Variants in MYLK observed in about 807,000 individuals in gnomAD.
The protein encoded by MYLK is myosin light chain kinase.
A neutral mutation model predicts 203.4 loss-of-function variants in MYLK; 106 were observed. The observed-to-expected ratio is 0.52, with a 90% CI of 0.45 to 0.61. The LOEUF (loss-of-function observed/expected upper bound fraction) is 0.61, where lower values mean the gene tolerates loss of function less well. Ranked by LOEUF, MYLK falls within the 20% of genes least tolerant of loss-of-function variation. MYLK has a pLI of 0.00. For synonymous variants in MYLK, 867 were observed against 959.5 expected, an observed-to-expected ratio of 0.90 and a Z score of 1.78; for missense variants, 2,072 against 2,442.3, an observed-to-expected ratio of 0.85 and a Z score of 3.20.
At chr3:123,744,100 C>T (rs544809604) in intron 5 of MYLK, among the ~76,000 whole-genome samples, 1 of 152,214 alleles carries the variant, frequency 6.6e-6, no homozygotes, top group Admixed American at 6.5e-5. Context: ...TATCCCCATG[C>T]GACCCTGATC....
rs2062269099 is a variant in MYLK, at chr3:123,726,023, A to T, written c.1572T>A (p.Ala524=). The T allele has an allele frequency of 1.9e-6, 3 of 1,614,060 alleles. No homozygotes were observed. Among genetic ancestry groups the T allele is most frequent in the Non-Finnish European group, 2.5e-6 (3 of 1,180,022 alleles). Residue 524 remains alanine, a synonymous_variant, in exon 12 of 34, where the codon GCT becomes GCA. Coordinates refer to ENST00000360304, the MANE Select transcript of MYLK (RefSeq NM_053025.4). ...GCACAAAATCCTGGCCCTCAATAAC[A>T]GCGCAGTCCTTCAGGACACTGGAGA... is the stretch of plus-strand genomic sequence containing the variant. ...PSFSSVLKDC[A]VIEGQDFVLQ...
In MYLK at chr3:123,740,003, T is replaced by G; in HGVS notation, c.374-2A>C. On this transcript the variant is annotated splice_acceptor_variant, in intron 5 of 33. Transcript: ENST00000360304. LOFTEE classifies it high-confidence loss of function. ...GACCAAGCTGCTTCGCAAAACTTCCTGCAAGAAAAAGAGTTGATGAGTCAG... is the reference window on the plus strand; with the variant it reads ...GACCAAGCTGCTTCGCAAAACTTCCGGCAAGAAAAAGAGTTGATGAGTCAG... 1 of 1,613,862 alleles carries G rather than the reference T, an allele frequency of 6.2e-7. No homozygotes were observed. The highest frequency in any genetic ancestry group is 8.5e-7 in the Non-Finnish European group (1 of 1,179,772).
rs754223181 is a variant in MYLK at position 123,682,242 on chromosome 3, G to A, written c.3634C>T (p.Pro1212Ser). The A allele has an allele frequency of 7.5e-6, 12 of 1,602,298 alleles. No homozygotes were observed. The highest frequency in any genetic ancestry group is 9.4e-6 in the Non-Finnish European group (11 of 1,174,746). ...KSRRPKSSLP[P>S]VLGTESDATV... Reference sequence around the variant, plus strand: ...TACTCACTCTCAGTTCCTAGCACGGGAGGAAGAGAGCTCTTGGGCCTCCGG... The same window carrying A: ...TACTCACTCTCAGTTCCTAGCACGGAAGGAAGAGAGCTCTTGGGCCTCCGG... Residue 1212 changes from proline to serine, a missense_variant, in exon 20 of 34, where the codon CCC becomes TCC. By Grantham distance (74) the Pro-to-Ser change is moderately conservative (BLOSUM62 -1). Transcript: ENST00000360304.
intron 20 of MYLK, chr3:123,681,178 C>A (rs2060250627): frequency 6.6e-6 from 1 of 152,046 alleles, no homozygotes; most frequent in African/African-American, 2.4e-5. Context: ...TAAGATATTA[C>A]AGCATTTGGC....
intron 20 of MYLK, among the ~76,000 whole-genome samples, chr3:123,670,054 A>AAAG (rs1560046908): frequency 2.0e-5 from 3 of 151,150 alleles, no homozygotes; most frequent in Admixed American, 1.4e-4. Context: ...AAAAAAAAAA[A>AAAG]AAGCAAACAT....
intron 3 of MYLK, among the ~76,000 whole-genome samples, chr3:123,820,132 T>TG (rs1043188055): frequency 6.6e-6 from 1 of 151,872 alleles, no homozygotes; most frequent in Admixed American, 6.6e-5. Context: ...CTGTAAAAGG[T>TG]GGGGATGCAT....
chr3:123,638,452 G>T (rs935821307), intron 28 of MYLK, among the ~76,000 whole-genome samples: 2 of 152,140 alleles, frequency 1.3e-5, no homozygotes, highest in African/African-American at 4.8e-5. Context: ...TAAATCACCC[G>T]CCCCTGAATG....
intron 14 of MYLK, 151 bp downstream of exon 14, chr3:123,709,605 C>T (rs2061610871): frequency 1.0e-6 from 1 of 979,238 alleles, no homozygotes; most frequent in Non-Finnish European, 1.6e-6. Context: ...AAAGAGAGGA[C>T]AAGAGTCTCC....
chr3:123,859,612 T>C (rs1485424762), intron 2 of MYLK, among the ~76,000 whole-genome samples: 1 of 152,226 alleles, frequency 6.6e-6, no homozygotes, highest in African/African-American at 2.4e-5. Context: ...ACACAAGATA[T>C]TAAAAGAACT....
At chr3:123,672,206 A>AGG (rs986915138) in intron 20 of MYLK, among the ~76,000 whole-genome samples, 2 of 31,150 alleles carry the variant, frequency 6.4e-5, no homozygotes, top group East Asian at 1.6e-3. Context: ...GGGCAGGGGG[A>AGG]GGAGAGAGAG....
chr3:123,694,419 A>T (rs2060820995), intron 18 of MYLK, among the ~76,000 whole-genome samples: 1 of 152,182 alleles, frequency 6.6e-6, no homozygotes, highest in South Asian at 2.1e-4. Context: ...GAATGAGGAT[A>T]ACCATGTCCT....
At chr3:123,740,050 C>T in intron 5 of MYLK, 49 bp from the exon 6 acceptor site, 4 of 1,598,352 alleles carry the variant, frequency 2.5e-6, no homozygotes, top group Non-Finnish European at 3.4e-6. Flanking sequence ...CAACTTGGAG[C>T]AATGAAAGTA....
chr3:123,678,619 C>CT (rs2060153908), intron 20 of MYLK, among the ~76,000 whole-genome samples: 1 of 151,944 alleles, frequency 6.6e-6, no homozygotes, highest in South Asian at 2.1e-4. Flanking sequence ...AGACTAGGTA[C>CT]TTCTCAGCCC....
At chr3:123,846,785 C>CT (rs912666840) in intron 2 of MYLK, among the ~76,000 whole-genome samples, 404 of 149,162 alleles carry the variant, frequency 2.7e-3, no homozygotes, top group South Asian at 5.8e-3. Flanking sequence ...TTAAGGATCT[C>CT]TTTTTTTTTT....
At chr3:123,868,438 C>T (rs2148704861) in intron 2 of MYLK, among the ~76,000 whole-genome samples, 1 of 152,116 alleles carries the variant, frequency 6.6e-6, no homozygotes, top group East Asian at 1.9e-4. Flanking sequence ...GTAATAATAC[C>T]CAACATTTTC....
At chr3:123,862,888 C>G (rs2032038247) in intron 2 of MYLK, among the ~76,000 whole-genome samples, 3 of 152,158 alleles carry the variant, frequency 2.0e-5, no homozygotes, top group Non-Finnish European at 4.4e-5. Flanking sequence ...CTCCCCAGCT[C>G]AATCCCAAAC....
chr3:123,666,877 G>A (rs2059752551), intron 21 of MYLK: 4 of 603,090 alleles, frequency 6.6e-6, no homozygotes, highest in Non-Finnish European at 1.2e-5. Context: ...CAGGAGAGCT[G>A]CTAGTCCTGT....
Position 123,657,413 on chromosome 3 carries a change from G to C in MYLK, c.4001C>G (p.Pro1334Arg). 2 of 1,613,380 alleles carry C rather than the reference G, an allele frequency of 1.2e-6. No homozygotes were observed. Among genetic ancestry groups the C allele is most frequent in the Non-Finnish European group, 1.7e-6 (2 of 1,179,976 alleles). ...NLTVVDKPDP[P>R]AGTPCASDIR... ...GTCAGAGGCACAAGGTGTGCCAGCT[G>C]GGGGGTCTGGCTTATCTGGGGATAA... Residue 1334 changes from proline to arginine, a missense_variant, in exon 24 of 34, where the codon CCA becomes CGA. Pro to Arg is a moderately radical substitution (Grantham distance 103). Coordinates refer to ENST00000360304, the MANE Select transcript of MYLK (RefSeq NM_053025.4).
At chr3:123,751,896 A>G (rs1339900107) in intron 5 of MYLK, among the ~76,000 whole-genome samples, 4 of 152,188 alleles carry the variant, frequency 2.6e-5, no homozygotes, top group African/African-American at 9.7e-5. Context: ...CTTCTTTTAC[A>G]GAAGGAACAG....
Sources: gnomAD v4.1 joint callset for allele counts (sites outside exome capture counted in the v4.1 genomes callset) on GRCh38, gnomAD v4.1.1 for gene constraint, MANE v1.5 for transcripts, NCBI Gene and HGNC (gene_info 2026-07-23, HGNC 2026-07-21) for gene names.